The following RTN1 variants were observed in gnomAD, a reference collection of about 807,000 sequenced individuals.
RTN1 encodes the protein reticulon 1.
RTN1 carries 25 observed loss-of-function variants against 65.5 expected under a neutral mutation model. The ratio of observed to expected loss-of-function variants is 0.38; its 90% CI spans 0.28 to 0.53. RTN1 has a LOEUF of 0.53. RTN1 is among the 20% of genes least tolerant of loss of function. The pLI is 0.79. For synonymous variants in RTN1, 471 were observed against 447.6 expected (o/e 1.05, Z -0.66); for missense variants, 983 against 1,025.4 (o/e 0.96, Z 0.57).
At chr14:59,854,861 T>C (rs923027776) in intron 1 of RTN1, among the ~76,000 whole-genome samples, 10 of 152,144 alleles carry the variant, frequency 6.6e-5, no homozygotes, top group African/African-American at 2.2e-4. Context: ...ATACCTACTT[T>C]ATTGAGATTA....
At chr14:59,753,846 G>C (rs1885579933) in intron 1 of RTN1, among the ~76,000 whole-genome samples, 1 of 152,176 alleles carries the variant, frequency 6.6e-6, no homozygotes, top group Non-Finnish European at 1.5e-5. Flanking sequence ...TTCTAGACTA[G>C]ACATTGCCAC....
chr14:59,675,444 T>TG (rs58079996), intron 3 of RTN1, among the ~76,000 whole-genome samples: 3,760 of 38,824 alleles, frequency 0.097, 175 homozygotes, highest in East Asian at 0.16. Flanking sequence ...CTATAGGACT[T>TG]GGGGGGGGGG....
At chr14:59,869,867 G>A (rs77760520) in intron 1 of RTN1, among the ~76,000 whole-genome samples, 3,815 of 152,258 alleles carry the variant, frequency 0.025, 60 homozygotes, top group Middle Eastern at 0.065. Flanking sequence ...AGGTGTGGTG[G>A]CGATTCGTGG....
At chr14:59,750,926 C>CT (rs891481751) in intron 1 of RTN1, among the ~76,000 whole-genome samples, 2 of 150,378 alleles carry the variant, frequency 1.3e-5, no homozygotes, top group African/African-American at 4.9e-5. Flanking sequence ...CTATGTTGCC[C>CT]AGGCCTGTCT....
At chr14:59,787,021 A>T (rs1262277138) in intron 1 of RTN1, among the ~76,000 whole-genome samples, 1 of 152,236 alleles carries the variant, frequency 6.6e-6, no homozygotes, top group Non-Finnish European at 1.5e-5. Context: ...ATTCTGCTAT[A>T]CAGGTATTAC....
chr14:59,679,821 T>G (rs1431515263), intron 3 of RTN1, among the ~76,000 whole-genome samples: 1 of 152,162 alleles, frequency 6.6e-6, no homozygotes, highest in African/African-American at 2.4e-5. Flanking sequence ...TGCATATAAT[T>G]TTCCAGAGCT....
chr14:59,618,327 A>G (rs935400523), intron 3 of RTN1, among the ~76,000 whole-genome samples: 8 of 152,094 alleles, frequency 5.3e-5, no homozygotes, highest in African/African-American at 1.9e-4. Flanking sequence ...TATTTTGCAG[A>G]CCCTGCACTT....
At chr14:59,659,689 C>T (rs925976394) in intron 3 of RTN1, among the ~76,000 whole-genome samples, 1 of 152,196 alleles carries the variant, frequency 6.6e-6, no homozygotes, top group African/African-American at 2.4e-5. Flanking sequence ...CAAGCAAATG[C>T]TGAGACATTT....
At chr14:59,644,415 A>T (rs529561041) in intron 3 of RTN1, among the ~76,000 whole-genome samples, 1 of 152,200 alleles carries the variant, frequency 6.6e-6, no homozygotes, top group South Asian at 2.1e-4. Context: ...AGGTCAAGAG[A>T]TCACCTCATT....
chr14:59,618,883 C>T (rs1882179635), intron 3 of RTN1, among the ~76,000 whole-genome samples: 1 of 152,164 alleles, frequency 6.6e-6, no homozygotes, highest in Non-Finnish European at 1.5e-5. Context: ...TAAGTAAGCA[C>T]AGGAATGAAG....
At chr14:59,866,306 T>C (rs1168566862) in intron 1 of RTN1, among the ~76,000 whole-genome samples, 1 of 152,116 alleles carries the variant, frequency 6.6e-6, no homozygotes, top group East Asian at 1.9e-4. Context: ...TAATAAAAGC[T>C]TTCTGTAATC....
intron 3 of RTN1, among the ~76,000 whole-genome samples, chr14:59,685,101 GA>G (rs1185884511): frequency 6.6e-5 from 10 of 152,104 alleles, no homozygotes; most frequent in Admixed American, 1.3e-4. Flanking sequence ...AGTAGATGCA[GA>G]AAAAGCATTT....
At chr14:59,843,714 A>C (rs1219213331) in intron 1 of RTN1, among the ~76,000 whole-genome samples, 11 of 152,326 alleles carry the variant, frequency 7.2e-5, no homozygotes, top group Non-Finnish European at 1.0e-4. Flanking sequence ...ATCTAAGGTA[A>C]GGCACTGGAA....
intron 1 of RTN1, among the ~76,000 whole-genome samples, chr14:59,777,840 CAACAA>C (rs753694584): frequency 1.6e-5 from 2 of 121,880 alleles, no homozygotes; most frequent in African/African-American, 3.5e-5. Context: ...AAAAACAAAA[CAACAA>C]AACACACACA....
chr14:59,611,013 C>G (rs1036149189), intron 3 of RTN1, among the ~76,000 whole-genome samples: 1 of 152,178 alleles, frequency 6.6e-6, no homozygotes, highest in African/African-American at 2.4e-5. Flanking sequence ...GGCTTCCCCC[C>G]ACCCACAAAG....
chr14:59,821,309 G>A (rs1400111576), intron 1 of RTN1, among the ~76,000 whole-genome samples: 1 of 152,148 alleles, frequency 6.6e-6, no homozygotes, highest in African/African-American at 2.4e-5. Context: ...TTGGCTCTCA[G>A]CTTGGATGTT....
chr14:59,652,026 C>T (rs1312416803), intron 3 of RTN1, among the ~76,000 whole-genome samples: 1 of 151,886 alleles, frequency 6.6e-6, no homozygotes, highest in Non-Finnish European at 1.5e-5. Flanking sequence ...AGGACATGAA[C>T]AGATACTTCT....
intron 3 of RTN1, among the ~76,000 whole-genome samples, chr14:59,608,829 A>G (rs1256727062): frequency 6.6e-6 from 1 of 152,156 alleles, no homozygotes; most frequent in African/African-American, 2.4e-5. Flanking sequence ...GCTCACAAGC[A>G]TGTTTTGGGG....
chr14:59,630,616 G>T (rs1490293192), intron 3 of RTN1: 1 of 1,568,468 alleles, frequency 6.4e-7, no homozygotes, highest in Non-Finnish European at 8.6e-7. Context: ...CGCGGCTGCG[G>T]AGAGACTGAG....
Sources: allele counts gnomAD v4.1 joint callset (sites outside exome capture counted in the v4.1 genomes callset), GRCh38; gene constraint gnomAD v4.1.1; transcripts MANE v1.5; gene names NCBI Gene and HGNC (gene_info 2026-07-23, HGNC 2026-07-21).